AFAP1L2: variants seen among roughly 807,000 people sequenced by gnomAD.
AFAP1L2 encodes actin filament-associated protein 1-like 2.
Under a neutral mutation model 99.3 loss-of-function variants are expected in AFAP1L2, and 46 were observed. That is an observed-to-expected ratio of 0.46 (90% CI 0.37 to 0.59). The LOEUF (loss-of-function observed/expected upper bound fraction) is 0.59. Among genes scored for constraint, AFAP1L2 ranks in the 20% least tolerant of loss-of-function variants. AFAP1L2 has a pLI of 0.00. For missense variants in AFAP1L2, 959 were observed against 1,034.9 expected (o/e 0.93, Z 1.01); for synonymous variants, 397 against 419.1 (o/e 0.95, Z 0.64).
Position 114,297,200 on chromosome 10 carries a change from G to A in AFAP1L2, c.2307+20C>T, listed in dbSNP as rs2040378100. 10 of 1,609,756 alleles carry A rather than the reference G, an allele frequency of 6.2e-6. No homozygotes were observed. The highest frequency in any genetic ancestry group is 8.5e-6 in the Non-Finnish European group (10 of 1,177,338). ...AGGGAGCCCTGCAAGCAGCCCAGAG[G>A]CCGCAGTTCCAGCACTCACGCGGGG... On this transcript the variant is annotated intron_variant, in intron 17 of 18. Transcript: ENST00000304129.
At chr10:114,357,004 A>G (rs1200409790) in intron 1 of AFAP1L2, among the ~76,000 whole-genome samples, 1 of 152,202 alleles carries the variant, frequency 6.6e-6, no homozygotes, top group Admixed American at 6.5e-5. Context: ...TCATCACAGA[A>G]ATATTCTAAA....
chr10:114,395,667 T>C (rs900961630), intron 1 of AFAP1L2, among the ~76,000 whole-genome samples: 5 of 152,130 alleles, frequency 3.3e-5, no homozygotes, highest in Admixed American at 2.6e-4. Context: ...TTCCCACTTG[T>C]TGGGCTAACA....
rs557135747 is a variant in AFAP1L2 at position 114,295,565 on chromosome 10, G to A, written c.*477C>T. On this transcript the variant is annotated 3_prime_UTR_variant, in exon 19 of 19. Coordinates refer to ENST00000304129, the MANE Select transcript of AFAP1L2 (RefSeq NM_001001936.3). ...GAGTTGGGCCTGGTAATATTGGAGA[G>A]AACTGAAGGCAAGGATGGTTTAATC... The A allele has an allele frequency of 1.1e-5, 11 of 986,690 alleles. No individual in the cohort carries two copies. The South Asian group carries it at 2.8e-4, about 25-fold the overall frequency. 61.1% of individuals were successfully genotyped at this position (986,690 alleles called of 1,614,324 possible).
intron 7 of AFAP1L2, among the ~76,000 whole-genome samples, chr10:114,311,885 A>T (rs1285007028): frequency 6.6e-6 from 1 of 152,240 alleles, no homozygotes; most frequent in Non-Finnish European, 1.5e-5. Context: ...AGGAAGGTAG[A>T]TGGGCTTCAC....
rs1371142981 is a variant in AFAP1L2 at position 114,377,931 on chromosome 10, T to C, written c.16+26509A>G. The stretch of plus-strand genomic sequence containing the variant: ...TTCTCAGGAGTACTTCCCAAGAAAC[T>C]GTATTATGGTTTTTTTGTGGGTCTT... On this transcript the variant is annotated intron_variant, in intron 1 of 18. Transcript: ENST00000304129. This position sits in a 1 kb window ranked among gnomAD's most constrained non-coding sequence, Gnocchi z 4.0. Among the ~76,000 whole-genome samples the C allele has an allele frequency of 1.3e-5, 2 of 152,184 alleles. No homozygotes were observed. Among genetic ancestry groups the C allele is most frequent in the Non-Finnish European group, 2.9e-5 (2 of 68,026 alleles).
chr10:114,301,299 G>T lies in AFAP1L2; in HGVS notation c.1542+55C>A, dbSNP rs779030065. ...TGATCTCTGGCATCCAGGTGTTGAG[G>T]TTGGTAGGAGGAGGGCCTGGAGAGG... On this transcript the variant is annotated intron_variant, in intron 13 of 18. Coordinates refer to ENST00000304129, the MANE Select transcript of AFAP1L2 (RefSeq NM_001001936.3). 7.7e-5 allele frequency: 110 copies of T among 1,430,328 alleles called. 1 individual carries two copies. The highest frequency in any genetic ancestry group is 2.3e-4 in the East Asian group (10 of 43,926). The allele number at this position is 1,430,328 out of a possible 1,614,324, so 88.6% of individuals were successfully genotyped here. A position where few individuals can be genotyped will look rare whatever the true frequency, so the allele number is the denominator to read the frequency against.
chr10:114,350,525 C>G (rs1337800628), intron 1 of AFAP1L2, among the ~76,000 whole-genome samples: 1 of 152,186 alleles, frequency 6.6e-6, no homozygotes, highest in Non-Finnish European at 1.5e-5. Context: ...ATACTACCTG[C>G]CTTCACTAAC....
chr10:114,363,191 C>G, intron 1 of AFAP1L2: 1 of 984,520 alleles, frequency 1.0e-6, no homozygotes, highest in East Asian at 1.1e-4. Flanking sequence ...CAAGGAGAGG[C>G]AACTCTTGAA....
intron 18 of AFAP1L2, 37 bp downstream of exon 18, chr10:114,296,938 TTTC>T: frequency 6.2e-7 from 1 of 1,613,518 alleles, no homozygotes; most frequent in Non-Finnish European, 8.5e-7. Context: ...CTTAGTGACA[TTTC>T]TGCTGGCCCC....
chr10:114,337,000 A>G lies in AFAP1L2; in HGVS notation c.145+3603T>C, dbSNP rs1348865218. On this transcript the variant is annotated intron_variant, in intron 2 of 18. Coordinates refer to ENST00000304129, the MANE Select transcript of AFAP1L2 (RefSeq NM_001001936.3). ...AAGCTCAGCCTGTTGGACCACGGCT[A>G]TCTTGAGATGATCACCTCGCCTCCA... Among the ~76,000 whole-genome samples the G allele has an allele frequency of 4.6e-5, 7 of 152,350 alleles. No individual in the cohort carries two copies. The East Asian group carries it at 1.4e-3, about 29-fold the overall frequency.
chr10:114,369,445 A>T (rs557270302), intron 1 of AFAP1L2, among the ~76,000 whole-genome samples: 39 of 152,108 alleles, frequency 2.6e-4, no homozygotes, highest in African/African-American at 8.0e-4. Context: ...AATACAAAAA[A>T]TTAGCCGGGC....
chr10:114,379,325 T>C (rs1386321788), intron 1 of AFAP1L2, among the ~76,000 whole-genome samples: 1 of 151,898 alleles, frequency 6.6e-6, no homozygotes, highest in Non-Finnish European at 1.5e-5. Context: ...TTCCAGGCTA[T>C]GCAGCAGATA....
chr10:114,304,987 GC>G, intron 10 of AFAP1L2, 57 bp from the exon 11 acceptor site: 6 of 1,381,230 alleles, frequency 4.3e-6, no homozygotes, highest in East Asian at 2.5e-5. Context: ...GGACGCAGAT[GC>G]AGGAGGGGGC....
At chr10:114,321,191 G>C (rs1050689856) in intron 5 of AFAP1L2, among the ~76,000 whole-genome samples, 3 of 152,110 alleles carry the variant, frequency 2.0e-5, no homozygotes, top group African/African-American at 4.8e-5. Context: ...TGATTTCTGA[G>C]ATAGTGCACT....
At chr10:114,301,881 G>A (rs540199681) in intron 12 of AFAP1L2, 1 of 256,530 alleles carries the variant, frequency 3.9e-6, no homozygotes, top group South Asian at 6.0e-5. Context: ...CTGTTTCAGT[G>A]GCTCAGCCGG....
intron 1 of AFAP1L2, among the ~76,000 whole-genome samples, chr10:114,381,061 C>G (rs562666554): frequency 1.8e-4 from 28 of 152,298 alleles, no homozygotes; most frequent in Non-Finnish European, 2.2e-4. Context: ...CATTCAAAAA[C>G]TTGTACATGA....
chr10:114,402,658 G>A (rs1219824902), intron 1 of AFAP1L2, among the ~76,000 whole-genome samples: 1 of 152,232 alleles, frequency 6.6e-6, no homozygotes, highest in African/African-American at 2.4e-5. Flanking sequence ...AGGATTTTAA[G>A]CTCCTGAGAG....
In AFAP1L2 at chr10:114,359,910, GA is replaced by G. The variant is rs1283300347; in HGVS notation, c.17-19180del. Among the ~76,000 whole-genome samples, 31 of 24,464 alleles carry G rather than the reference GA, an allele frequency of 1.3e-3. No homozygotes were observed. The South Asian group carries it at 0.057, about 45-fold the overall frequency. 16.0% of individuals were successfully genotyped at this position (24,464 alleles called of 152,430 possible). Reference sequence around the variant, plus strand: ...GTTTTAACTGGTGTCCTTCACCAAGGACATATATGTCACCAAGGACATATAT... The same window carrying G: ...GTTTTAACTGGTGTCCTTCACCAAGGCATATATGTCACCAAGGACATATAT... On this transcript the variant is annotated intron_variant, in intron 1 of 18. Coordinates refer to ENST00000304129, the MANE Select transcript of AFAP1L2 (RefSeq NM_001001936.3).
intron 9 of AFAP1L2, 122 bp from the exon 10 acceptor site, chr10:114,308,031 C>T (rs1050023723): frequency 2.9e-5 from 23 of 787,924 alleles, no homozygotes; most frequent in African/African-American, 1.2e-4. Context: ...GCTACATATG[C>T]GCGCACATAT....
Sources: gnomAD v4.1 joint callset for allele counts (sites outside exome capture counted in the v4.1 genomes callset) on GRCh38, gnomAD v4.1.1 for gene constraint, Gnocchi (gnomAD v3.1) non-coding constraint, MANE v1.5 for transcripts, NCBI Gene and HGNC (gene_info 2026-07-23, HGNC 2026-07-21) for gene names.